Variants in ANKDD1A observed in about 807,000 individuals in gnomAD.
ANKDD1A encodes ankyrin repeat and death domain-containing protein 1A.
ANKDD1A carries 59 observed loss-of-function variants against 63.5 expected under a neutral mutation model. The ratio of observed to expected loss-of-function variants is 0.93; its 90% CI spans 0.75 to 1.15. The LOEUF (loss-of-function observed/expected upper bound fraction) is 1.15, where lower values mean the gene tolerates loss of function less well. Among genes scored for constraint, ANKDD1A ranks in the 50% most tolerant of loss-of-function variants. The probability of loss-of-function intolerance (pLI) is 0.00; values close to 1 mark genes in which losing one functional copy is unlikely to be tolerated. For missense variants in ANKDD1A, 632 were observed against 656.4 expected (o/e 0.96, Z 0.41); for synonymous variants, 266 against 263.9 (o/e 1.01, Z -0.08).
chr15:64,930,080 C>T (rs566627053), intron 6 of ANKDD1A, among the ~76,000 whole-genome samples: 2 of 152,140 alleles, frequency 1.3e-5, no homozygotes, highest in Non-Finnish European at 2.9e-5. Flanking sequence ...GGACAACACA[C>T]ACCAGGGCCT....
intron 13 of ANKDD1A, among the ~76,000 whole-genome samples, chr15:64,948,646 G>T (rs1293082601): frequency 6.6e-6 from 1 of 152,064 alleles, no homozygotes; most frequent in Non-Finnish European, 1.5e-5. Flanking sequence ...CCAACATGGT[G>T]AATCCCCCGT....
At position 64,931,500 on chromosome 15, in the gene ANKDD1A, C is replaced by T. The variant is rs2085090678; in HGVS notation, c.683C>T (p.Ala228Val). The T allele has an allele frequency of 1.2e-6, 2 of 1,613,848 alleles. No individual in the cohort carries two copies. Among genetic ancestry groups the T allele is most frequent in the Non-Finnish European group, 1.7e-6 (2 of 1,179,930 alleles). The change falls in exon 8 of 15, where the codon GCC becomes GTC. Residue 228 changes from alanine to valine, a missense_variant. Transcript: ENST00000319580. ...TGTGTGTTGCAGGAAGGTCTGACTG[C>T]CCTGCATTCGGCTGCTGGAGGATCC... ...LEEQNAEGLT[A>V]LHSAAGGSHP... is the part of the protein sequence containing the mutation.
At chr15:64,953,096 CTT>C (rs527492357) in intron 14 of ANKDD1A, among the ~76,000 whole-genome samples, 73 of 140,762 alleles carry the variant, frequency 5.2e-4, no homozygotes, top group Admixed American at 3.9e-3. Flanking sequence ...CCTTCTTATA[CTT>C]TCTTTTCTTT....
intron 14 of ANKDD1A, among the ~76,000 whole-genome samples, chr15:64,952,948 T>TCTTC (rs1491285751): frequency 3.8e-5 from 1 of 26,260 alleles, no homozygotes; most frequent in Admixed American, 7.0e-4. Flanking sequence ...TCTTCTTCCT[T>TCTTC]CTCTTTCTTC....
At chr15:64,950,519 A>G (rs1378508791) in intron 14 of ANKDD1A, 1 of 985,430 alleles carries the variant, frequency 1.0e-6, no homozygotes, top group Non-Finnish European at 1.2e-6. Context: ...TAAAAACAAA[A>G]TCAGCTCATG....
chr15:64,931,055 G>C (rs2085086773), intron 7 of ANKDD1A, 135 bp downstream of exon 7: 1 of 883,968 alleles, frequency 1.1e-6, no homozygotes. Context: ...GCCCACCAGG[G>C]AAAGACAAGC....
intron 4 of ANKDD1A, among the ~76,000 whole-genome samples, chr15:64,924,763 C>T (rs2085033484): frequency 1.3e-5 from 2 of 152,118 alleles, no homozygotes; most frequent in Non-Finnish European, 1.5e-5. Context: ...TGACCTTAAC[C>T]GTTTTGGAGA....
intron 11 of ANKDD1A, 52 bp from the exon 12 acceptor site, chr15:64,944,600 G>A (rs2085209132): frequency 1.9e-6 from 3 of 1,554,488 alleles, no homozygotes; most frequent in South Asian, 2.3e-5. Flanking sequence ...AGAAACCCTT[G>A]TGTACCCCTC....
In ANKDD1A at chr15:64,954,685, CCTT is replaced by C. The variant is rs1185695751; in HGVS notation, c.1484-2415_1484-2413del. On this transcript the variant is annotated intron_variant, in intron 14 of 14. Transcript: ENST00000319580. ...TTCTTCTTGTCTCTTCTTCTTCTCT[CCTT>C]CTCCTTGTTCTTCTCCTTCTTCTTC... 4.1e-5 allele frequency among the ~76,000 whole-genome samples: 6 copies of C among 144,762 alleles called. No homozygotes were observed. The East Asian group carries it at 1.3e-3, about 31-fold the overall frequency. 95.0% of individuals were successfully genotyped at this position (144,762 alleles called of 152,430 possible).
At chr15:64,934,368 G>T (rs1595851641) in intron 9 of ANKDD1A, 134 bp downstream of exon 9, 1 of 662,092 alleles carries the variant, frequency 1.5e-6, no homozygotes, top group Middle Eastern at 4.3e-4. Context: ...GGAGCCGGCA[G>T]CACTTAGGAG....
intron 6 of ANKDD1A, 96 bp downstream of exon 6, chr15:64,927,095 A>G: frequency 1.5e-6 from 2 of 1,303,596 alleles, no homozygotes; most frequent in South Asian, 1.2e-5. Context: ...TCTGACTCCG[A>G]TTGCGCTGGA....
chr15:64,944,334 G>A lies in ANKDD1A; in HGVS notation c.1066-318G>A, dbSNP rs149995426. ...TCTCTGGGCTCTGATTTCTTCATCT[G>A]AAAAGTGGGTGGGAACCCCTATTTC... On this transcript the variant is annotated intron_variant, in intron 11 of 14. Transcript: ENST00000319580. 2.0e-5 allele frequency among the ~76,000 whole-genome samples: 3 copies of A among 152,354 alleles called. No homozygotes were observed. In the East Asian group the frequency reaches 5.8e-4, roughly 29 times the overall value.
At chr15:64,917,750 C>T (rs1190780918) in intron 3 of ANKDD1A, among the ~76,000 whole-genome samples, 1 of 152,140 alleles carries the variant, frequency 6.6e-6, no homozygotes, top group Non-Finnish European at 1.5e-5. Context: ...CTTTTCAGTC[C>T]CTCATGATAC....
intron 9 of ANKDD1A, among the ~76,000 whole-genome samples, chr15:64,938,720 G>A (rs1567114180): frequency 6.6e-6 from 1 of 151,584 alleles, no homozygotes; most frequent in Non-Finnish European, 1.5e-5. Flanking sequence ...GGGAGGCTGA[G>A]GTGAGTGGAT....
intron 14 of ANKDD1A, among the ~76,000 whole-genome samples, chr15:64,956,706 C>CCAT (rs1595862560): frequency 6.6e-6 from 1 of 152,134 alleles, no homozygotes. Flanking sequence ...CAAGCACACA[C>CCAT]CATCATGCCC....
rs574209707 is a variant in ANKDD1A, at chr15:64,940,533, C to T, written c.868-1934C>T. Among the ~76,000 whole-genome samples, 829 of 151,800 alleles carry T rather than the reference C, an allele frequency of 5.5e-3. 13 individuals are homozygous for T. The highest frequency in any genetic ancestry group is 0.019 in the African/African-American group (802 of 41,410). ...CTGCAAGCTCCGCCTTCCAGGTTCACGCCATTCTCCTGCCTCAGCCTCCCG... is the reference window on the plus strand; with the variant it reads ...CTGCAAGCTCCGCCTTCCAGGTTCATGCCATTCTCCTGCCTCAGCCTCCCG... On this transcript the variant is annotated intron_variant, in intron 9 of 14. Transcript: ENST00000319580.
chr15:64,955,131 G>A (rs1374449109), intron 14 of ANKDD1A, among the ~76,000 whole-genome samples: 2 of 151,666 alleles, frequency 1.3e-5, no homozygotes, highest in Non-Finnish European at 2.9e-5. Flanking sequence ...TTGGCTCACT[G>A]CAACCTCCAC....
intron 13 of ANKDD1A, among the ~76,000 whole-genome samples, chr15:64,948,878 CA>C (rs548064835): frequency 9.7e-4 from 147 of 152,204 alleles, no homozygotes; most frequent in South Asian, 2.5e-3. Context: ...TTGACATTTG[CA>C]TATCAATTTG....
chr15:64,940,800 A>C (rs1434183800), intron 9 of ANKDD1A, among the ~76,000 whole-genome samples: 1 of 151,576 alleles, frequency 6.6e-6, no homozygotes, highest in African/African-American at 2.4e-5. Context: ...GTGCAGTGGT[A>C]GGATCATGGC....
Sources: allele counts gnomAD v4.1 joint callset (sites outside exome capture counted in the v4.1 genomes callset), GRCh38; gene constraint gnomAD v4.1.1; transcripts MANE v1.5; gene names NCBI Gene and HGNC (gene_info 2026-07-23, HGNC 2026-07-21).